Variants in ATAD2B observed in about 807,000 individuals in gnomAD.
ATAD2B encodes ATPase family AAA domain containing 2B, also known as ATPase family AAA domain-containing protein 2B.
A neutral mutation model predicts 167.6 loss-of-function variants in ATAD2B; 40 were observed. The observed-to-expected ratio is 0.24, with a 90% CI of 0.19 to 0.31. The LOEUF is 0.31. ATAD2B is among the 10% of genes least tolerant of loss of function. The pLI is 1.00. For synonymous variants in ATAD2B, 579 were observed against 596.5 expected, an observed-to-expected ratio of 0.97 and a Z score of 0.43; for missense variants, 1,242 against 1,757.2, an observed-to-expected ratio of 0.71 and a Z score of 5.24.
chr2:23,703,571 C>G, the ATAD2B span: 1 of 1,121,406 alleles, frequency 8.9e-7, no homozygotes, highest in Non-Finnish European at 1.2e-6. Context: ...GCTCCAGGTT[C>G]CCCTAGGCCC....
the ATAD2B span, among the ~76,000 whole-genome samples, chr2:23,724,332 T>A: frequency 6.6e-6 from 1 of 152,224 alleles, no homozygotes; most frequent in Non-Finnish European, 1.5e-5. Context: ...TACCCTGATC[T>A]GATCACCATA....
intron 21 of ATAD2B, among the ~76,000 whole-genome samples, chr2:23,784,989 T>C (rs989719349): frequency 1.3e-5 from 2 of 151,970 alleles, no homozygotes; most frequent in African/African-American, 2.4e-5. Flanking sequence ...TCCTACAAGG[T>C]TGATAAGAGG....
At chr2:23,902,674 T>C (rs1225958307) in intron 1 of ATAD2B, among the ~76,000 whole-genome samples, 1 of 152,192 alleles carries the variant, frequency 6.6e-6, no homozygotes, top group African/African-American at 2.4e-5. Context: ...GTAGGAAAAG[T>C]ACCTCAGGCA....
chr2:23,844,701 AT>A (rs920540986), intron 13 of ATAD2B, among the ~76,000 whole-genome samples: 2 of 152,190 alleles, frequency 1.3e-5, no homozygotes, highest in African/African-American at 4.8e-5. Flanking sequence ...AGAAAAGATA[AT>A]TTAAAGCAAA....
intron 22 of ATAD2B, among the ~76,000 whole-genome samples, chr2:23,782,220 T>C (rs1312221745): frequency 1.3e-5 from 2 of 152,234 alleles, no homozygotes; most frequent in African/African-American, 4.8e-5. Flanking sequence ...TCTAATCCAC[T>C]GCAAAGCCCC....
At chr2:23,736,819 C>G in the ATAD2B span, among the ~76,000 whole-genome samples, 1 of 152,146 alleles carries the variant, frequency 6.6e-6, no homozygotes, top group Non-Finnish European at 1.5e-5. Flanking sequence ...CAGACAGCAC[C>G]TGGAAAATCG....
the ATAD2B span, among the ~76,000 whole-genome samples, chr2:23,704,230 G>A: frequency 6.6e-6 from 1 of 152,226 alleles, no homozygotes; most frequent in Non-Finnish European, 1.5e-5. Context: ...TGCCCTACAG[G>A]GACAAGTGAC....
intron 13 of ATAD2B, among the ~76,000 whole-genome samples, chr2:23,838,367 TG>T (rs1269472104): frequency 6.6e-6 from 1 of 152,176 alleles, no homozygotes; most frequent in Non-Finnish European, 1.5e-5. Flanking sequence ...GTCTTGTAAC[TG>T]AAAAGTCTTC....
intron 1 of ATAD2B, among the ~76,000 whole-genome samples, chr2:23,898,284 A>G (rs1210374385): frequency 6.6e-6 from 1 of 152,178 alleles, no homozygotes; most frequent in African/African-American, 2.4e-5. Flanking sequence ...TTTGCCACCT[A>G]TTGTCTCTAA....
intron 13 of ATAD2B, among the ~76,000 whole-genome samples, chr2:23,844,318 A>G (rs576037169): frequency 6.6e-6 from 1 of 152,146 alleles, no homozygotes; most frequent in Non-Finnish European, 1.5e-5. Context: ...GAAAAAAAAA[A>G]ACACACAACA....
At position 23,752,024 on chromosome 2, in the gene ATAD2B, TA is replaced by T; in HGVS notation, c.*21del. ...TCTGTGAGGAGCAGATTGGAGAGGATAAACCACTCATCTTGAAAAGTTCATA... is the reference window on the plus strand; with the variant it reads ...TCTGTGAGGAGCAGATTGGAGAGGATAACCACTCATCTTGAAAAGTTCATA... On this transcript the variant is annotated 3_prime_UTR_variant, in exon 28 of 28. Transcript: ENST00000238789. The T allele has an allele frequency of 6.5e-7, 1 of 1,546,458 alleles. No individual in the cohort carries two copies.
At chr2:23,739,005 CTAAA>C in the ATAD2B span, among the ~76,000 whole-genome samples, 1 of 152,098 alleles carries the variant, frequency 6.6e-6, no homozygotes, top group Non-Finnish European at 1.5e-5. Context: ...ACTAACTATC[CTAAA>C]TATATATGCA....
intron 7 of ATAD2B, among the ~76,000 whole-genome samples, chr2:23,876,301 T>G (rs911964031): frequency 2.0e-5 from 3 of 149,004 alleles, no homozygotes; most frequent in African/African-American, 7.6e-5. Context: ...CCTGTTAACT[T>G]TTTTTTCTTT....
the ATAD2B span, among the ~76,000 whole-genome samples, chr2:23,714,629 T>A: frequency 6.6e-6 from 1 of 151,312 alleles, no homozygotes; most frequent in Non-Finnish European, 1.5e-5. Context: ...TCAAGGCAGG[T>A]GAATCACTTG....
chr2:23,714,848 C>T, the ATAD2B span, among the ~76,000 whole-genome samples: 2 of 150,948 alleles, frequency 1.3e-5, no homozygotes, highest in South Asian at 4.2e-4. Context: ...GAGCAAGACT[C>T]TGTCTCCAAA....
At chr2:23,827,015 A>G (rs1190713044) in intron 15 of ATAD2B, among the ~76,000 whole-genome samples, 2 of 152,216 alleles carry the variant, frequency 1.3e-5, no homozygotes, top group African/African-American at 2.4e-5. Flanking sequence ...TGTTTGGCAT[A>G]CACAGACTAG....
chr2:23,861,683 T>C (rs1026535304), intron 12 of ATAD2B, among the ~76,000 whole-genome samples: 2 of 152,206 alleles, frequency 1.3e-5, no homozygotes, highest in Non-Finnish European at 2.9e-5. Flanking sequence ...AGTATAACTT[T>C]AAAATTTTTA....
the ATAD2B span, among the ~76,000 whole-genome samples, chr2:23,735,337 C>T: frequency 6.6e-6 from 1 of 152,158 alleles, no homozygotes; most frequent in Non-Finnish European, 1.5e-5. Context: ...ATCTATGATG[C>T]TATATGATAT....
chr2:23,801,047 G>A (rs995387150), intron 18 of ATAD2B, among the ~76,000 whole-genome samples: 5 of 151,930 alleles, frequency 3.3e-5, no homozygotes, highest in African/African-American at 9.7e-5. Flanking sequence ...AAACTAAAAA[G>A]CACTATTAAA....
Sources: allele counts gnomAD v4.1 joint callset (sites outside exome capture counted in the v4.1 genomes callset), GRCh38; gene constraint gnomAD v4.1.1; transcripts MANE v1.5; gene names NCBI Gene and HGNC (gene_info 2026-07-23, HGNC 2026-07-21).